TTBK1: variants seen among roughly 807,000 people sequenced by gnomAD.
The protein encoded by TTBK1 is tau tubulin kinase 1.
In TTBK1, 34 loss-of-function variants were observed where a neutral mutation model predicts 108.5. The observed-to-expected ratio is 0.31, with a 90% CI of 0.24 to 0.42. TTBK1 has a LOEUF of 0.42. Among genes scored for constraint, TTBK1 ranks in the 10% least tolerant of loss-of-function variants. The pLI, the probability that TTBK1 is intolerant of heterozygous loss-of-function variation, is 1.00. For missense variants in TTBK1, 1,539 were observed against 1,826.0 expected (o/e 0.84, Z 2.86); for synonymous variants, 809 against 795.1 (o/e 1.02, Z -0.29).
At position 43,259,077 on chromosome 6, in the gene TTBK1, G is replaced by A; in HGVS notation, c.1056G>A (p.Arg352=). ...NVTPVPGDLL[R]ENTEDVLQGE... The stretch of plus-strand genomic sequence containing the variant: ...CGCCAGTGCCTGGGGACCTGCTCCG[G>A]GAGAACACCGAGGATGTGCTACAGG... Residue 352 remains arginine, a synonymous_variant, in exon 11 of 15, where the codon CGG becomes CGA. Transcript: ENST00000259750. The surrounding 1 kb of genome is among the most constrained non-coding windows in gnomAD (Gnocchi z 6.7). 1 of 1,613,966 alleles carries A rather than the reference G, an allele frequency of 6.2e-7. No individual in the cohort carries two copies. Among genetic ancestry groups the A allele is most frequent in the Non-Finnish European group, 8.5e-7 (1 of 1,179,922 alleles).
chr6:43,248,077 G>C (rs1435576545), intron 2 of TTBK1: 2 of 152,232 alleles, frequency 1.3e-5, no homozygotes, highest in Non-Finnish European at 2.9e-5. Flanking sequence ...CTGGCGGATT[G>C]GAGGCAGAAT....
intron 2 of TTBK1, chr6:43,248,010 G>A (rs1271768473): frequency 3.9e-5 from 6 of 152,250 alleles, no homozygotes; most frequent in Non-Finnish European, 8.8e-5. Context: ...CGAGGGTCTG[G>A]CGAAGACAGG....
intron 13 of TTBK1, among the ~76,000 whole-genome samples, chr6:43,274,410 G>T (rs1409571073): frequency 6.6e-6 from 1 of 152,138 alleles, no homozygotes; most frequent in African/African-American, 2.4e-5. Flanking sequence ...TCAGGCAGTG[G>T]TCGGGGGAGC....
rs759794806 is a variant in TTBK1, at chr6:43,284,267, G to C, written c.3527G>C (p.Arg1176Thr). 6.3e-7 allele frequency: 1 copy of C among 1,591,116 alleles called. No homozygotes were observed. Among genetic ancestry groups the C allele is most frequent in the Non-Finnish European group, 8.5e-7 (1 of 1,174,660 alleles). Residue 1176 changes from arginine to threonine, a missense_variant, in exon 14 of 15, where the codon AGA (arginine) becomes ACA (threonine). Physicochemically the swap from Arg to Thr is moderately conservative, Grantham distance 71. Coordinates refer to ENST00000259750, the MANE Select transcript of TTBK1 (RefSeq NM_032538.3). ...MPVAAQQPAS[R>T]SHGAAPALDT... ...GTTGCAGCCCAGCAGCCCGCCAGCA[G>C]ATCCCATGGCGCGGCCCCAGCATTG... is the stretch of plus-strand genomic sequence containing the variant.
Position 43,265,593 on chromosome 6 carries a change from G to A in TTBK1, c.1986+2243G>A, listed in dbSNP as rs1562091053. Among the ~76,000 whole-genome samples the A allele has an allele frequency of 6.6e-6, 1 of 152,232 alleles. No homozygotes were observed. The highest frequency in any genetic ancestry group is 6.5e-5 in the Admixed American group (1 of 15,278). ...CACCACACCCAGCACCAGGCAGCAG[G>A]AGAGGGAGCAAAATGTGTTTGGGGT... On this transcript the variant is annotated intron_variant, in intron 13 of 14. Transcript: ENST00000259750. This position sits in a 1 kb window ranked among gnomAD's most constrained non-coding sequence, Gnocchi z 4.1.
chr6:43,266,066 C>T (rs974891278), intron 13 of TTBK1, among the ~76,000 whole-genome samples: 1 of 152,160 alleles, frequency 6.6e-6, no homozygotes, highest in African/African-American at 2.4e-5. Context: ...GGGACTGGCA[C>T]TACCTATGTC....
chr6:43,253,318 G>C lies in TTBK1; in HGVS notation c.284G>C (p.Gly95Ala), dbSNP rs1424976409. 1 of 1,614,114 alleles carries C rather than the reference G, an allele frequency of 6.2e-7. No homozygotes were observed. The highest frequency in any genetic ancestry group is 8.5e-7 in the Non-Finnish European group (1 of 1,180,004). The part of the protein sequence containing the change: ...QGKDHVCRFI[G>A]CGRNEKFNYV... ...AAGGACCATGTGTGCAGGTTCATTGGCTGTGGCAGGAACGAGAAGTTTAAC... is the reference window on the plus strand; with the variant it reads ...AAGGACCATGTGTGCAGGTTCATTGCCTGTGGCAGGAACGAGAAGTTTAAC... The change falls in exon 4 of 15, where the codon GGC becomes GCC. Residue 95 changes from glycine to alanine, a missense_variant. Around this residue, in one of 5 missense-constraint regions of TTBK1, gnomAD observed 155 missense variants for 348.5 expected, o/e 0.44. Coordinates refer to ENST00000259750, the MANE Select transcript of TTBK1 (RefSeq NM_032538.3). The surrounding 1 kb of genome is among the most constrained non-coding windows in gnomAD (Gnocchi z 5.8).
At chr6:43,280,072 C>T (rs542087054) in intron 13 of TTBK1, among the ~76,000 whole-genome samples, 8 of 134,712 alleles carry the variant, frequency 5.9e-5, no homozygotes, top group African/African-American at 1.5e-4. Flanking sequence ...CTACCTGGCC[C>T]AAACAGGGTT....
intron 13 of TTBK1, among the ~76,000 whole-genome samples, chr6:43,274,889 G>A (rs1468976484): frequency 2.0e-5 from 3 of 152,100 alleles, no homozygotes; most frequent in African/African-American, 7.2e-5. Flanking sequence ...GTGGGGAAGG[G>A]GTGGAGAGGA....
Position 43,259,132 on chromosome 6 carries a change from C to G in TTBK1, c.1111C>G (p.Pro371Ala), listed in dbSNP as rs754382076. The G allele has an allele frequency of 6.2e-7, 1 of 1,614,058 alleles. No individual in the cohort carries two copies. The highest frequency in any genetic ancestry group is 8.5e-7 in the Non-Finnish European group (1 of 1,179,970). ...GCACCTGAGTGACCAGGAGAATGCA[C>G]CCCCAATTCTGCCCGGGAGGCCCTC... ...GEHLSDQENA[P>A]PILPGRPSEG... Residue 371 changes from proline to alanine, a missense_variant, in exon 11 of 15, where the codon CCC becomes GCC. This residue lies in a region of TTBK1 where 277 missense variants were observed against 332.4 expected (regional missense o/e 0.83). Transcript: ENST00000259750. This position sits in a 1 kb window ranked among gnomAD's most constrained non-coding sequence, Gnocchi z 6.7.
rs1025515063 is a variant in TTBK1, at chr6:43,276,251, A to G, written c.1987-6476A>G. Reference sequence around the variant, plus strand: ...CCCTGGCCAGCGGAAGCATGCACGAAAAACTCAAAACCACACACACGCTCA... The same window carrying G: ...CCCTGGCCAGCGGAAGCATGCACGAGAAACTCAAAACCACACACACGCTCA... On this transcript the variant is annotated intron_variant, in intron 13 of 14. Coordinates refer to ENST00000259750, the MANE Select transcript of TTBK1 (RefSeq NM_032538.3). The surrounding 1 kb of genome is among the most constrained non-coding windows in gnomAD (Gnocchi z 5.4). 7.2e-5 allele frequency among the ~76,000 whole-genome samples: 11 copies of G among 152,170 alleles called. No individual in the cohort carries two copies. The highest frequency in any genetic ancestry group is 1.5e-4 in the Non-Finnish European group (10 of 68,020).
intron 12 of TTBK1, among the ~76,000 whole-genome samples, chr6:43,261,431 C>A (rs1384002906): frequency 4.6e-5 from 7 of 152,210 alleles, no homozygotes; most frequent in Non-Finnish European, 8.8e-5. Context: ...CACACACACA[C>A]TACTGTACAA....
At position 43,269,843 on chromosome 6, in the gene TTBK1, G is replaced by T. The variant is rs762063700; in HGVS notation, c.1986+6493G>T. The T allele has an allele frequency of 3.9e-6, 6 of 1,534,524 alleles. No individual in the cohort carries two copies. Among genetic ancestry groups the T allele is most frequent in the Middle Eastern group, 1.7e-4 (1 of 5,800 alleles). On this transcript the variant is annotated intron_variant, in intron 13 of 14. Transcript: ENST00000259750. This position sits in a 1 kb window ranked among gnomAD's most constrained non-coding sequence, Gnocchi z 4.8. ...GCAGCCCTGTGCGGGCGCCCCACCG[G>T]CGCCACGCGCCCCTCGCTGCTGGCA...
At chr6:43,249,428 T>C (rs1489418660) in intron 2 of TTBK1, among the ~76,000 whole-genome samples, 1 of 152,156 alleles carries the variant, frequency 6.6e-6, no homozygotes, top group Non-Finnish European at 1.5e-5. Context: ...CAGGGCCACA[T>C]TGTGACTTTC....
chr6:43,272,938 T>G (rs1293733894), intron 13 of TTBK1, among the ~76,000 whole-genome samples: 2 of 152,210 alleles, frequency 1.3e-5, no homozygotes, highest in African/African-American at 4.8e-5. Flanking sequence ...TGTTGTATTT[T>G]GAAAGTGGTG....
At chr6:43,245,314 G>A (rs1036340912) in intron 1 of TTBK1, among the ~76,000 whole-genome samples, 2 of 152,140 alleles carry the variant, frequency 1.3e-5, no homozygotes, top group Admixed American at 1.3e-4. Flanking sequence ...ACTCTCCAGG[G>A]TCGTTGTGAG....
intron 2 of TTBK1, 95 bp from the exon 3 acceptor site, chr6:43,252,644 C>T (rs1006040433): frequency 8.4e-6 from 12 of 1,431,984 alleles, no homozygotes; most frequent in African/African-American, 2.9e-5. Context: ...AGATACCCCC[C>T]TTCCCCACCA....
chr6:43,263,267 C>A lies in TTBK1; in HGVS notation c.1903C>A (p.Pro635Thr), dbSNP rs541825914. Residue 635 changes from proline to threonine, a missense_variant, in exon 13 of 15, where the codon CCT becomes ACT. Around this residue, in one of 5 missense-constraint regions of TTBK1, gnomAD observed 1,055 missense variants for 1,086.5 expected, o/e 0.97. Coordinates refer to ENST00000259750, the MANE Select transcript of TTBK1 (RefSeq NM_032538.3). This position sits in a 1 kb window ranked among gnomAD's most constrained non-coding sequence, Gnocchi z 4.7. The part of the protein sequence containing the change: ...GRSETSQPPT[P>T]GSPSHSPLHS... ...TTCCGAGACGTCACAGCCCCCCACG[C>A]CTGGCAGCCCTTCCCACTCACCCCT... 2.0e-6 allele frequency: 3 copies of A among 1,536,180 alleles called. No homozygotes were observed. Among genetic ancestry groups the A allele is most frequent in the African/African-American group, 1.4e-5 (1 of 72,954 alleles).
In TTBK1 at chr6:43,257,027, C is replaced by T. The variant is rs987684285; in HGVS notation, c.862-785C>T. ...CCTGGGATCCACTACACGCCAGGCACGATGCTGCATACTGTAGGAGTAGAG... is the reference window on the plus strand; with the variant it reads ...CCTGGGATCCACTACACGCCAGGCATGATGCTGCATACTGTAGGAGTAGAG... On this transcript the variant is annotated intron_variant, in intron 9 of 14. Transcript: ENST00000259750. This position sits in a 1 kb window ranked among gnomAD's most constrained non-coding sequence, Gnocchi z 4.5. 5.9e-5 allele frequency among the ~76,000 whole-genome samples: 9 copies of T among 152,174 alleles called. No individual in the cohort carries two copies. The East Asian group carries it at 7.7e-4, about 13-fold the overall frequency.
Sources: gnomAD v4.1 joint callset for allele counts (sites outside exome capture counted in the v4.1 genomes callset) on GRCh38, gnomAD v4.1.1 for gene constraint, gnomAD v4.1.1 regional missense constraint, Gnocchi (gnomAD v3.1) non-coding constraint, MANE v1.5 for transcripts, NCBI Gene and HGNC (gene_info 2026-07-23, HGNC 2026-07-21) for gene names.